ADCY2: variants seen among roughly 807,000 people sequenced by gnomAD.
ADCY2 encodes adenylate cyclase type 2.
In ADCY2, 31 loss-of-function variants were observed where a neutral mutation model predicts 125.2. That is an observed-to-expected ratio of 0.25 (90% confidence interval 0.19 to 0.33). The LOEUF (loss-of-function observed/expected upper bound fraction) is 0.33. Among genes scored for constraint, ADCY2 ranks in the 10% least tolerant of loss-of-function variants. ADCY2 has a pLI of 1.00. For missense variants in ADCY2, 904 were observed against 1,418.2 expected, an observed-to-expected ratio of 0.64 and a Z score of 5.82; for synonymous variants, 512 against 548.4, an observed-to-expected ratio of 0.93 and a Z score of 0.93.
Position 7,436,861 on chromosome 5 carries a change from C to CGT in ADCY2, c.408+22095_408+22096dup, listed in dbSNP as rs541302272. Among the ~76,000 whole-genome samples the CGT allele has an allele frequency of 1.9e-3, 287 of 152,274 alleles. 2 individuals carry two copies. Among genetic ancestry groups the CGT allele is most frequent in the African/African-American group, 6.2e-3 (257 of 41,546 alleles). On this transcript the variant is annotated intron_variant, in intron 2 of 24. Coordinates refer to ENST00000338316, the MANE Select transcript of ADCY2 (RefSeq NM_020546.3). Reference sequence around the variant, plus strand: ...TAAAACCACTGCCTCTTCCTCAGGGCGTGTGCTAGGGAATCTTTTGATGTC... The same window carrying CGT: ...TAAAACCACTGCCTCTTCCTCAGGGCGTGTGTGCTAGGGAATCTTTTGATGTC...
At chr5:7,727,776 C>T (rs982230078) in intron 14 of ADCY2, among the ~76,000 whole-genome samples, 1 of 152,016 alleles carries the variant, frequency 6.6e-6, no homozygotes, top group Admixed American at 6.6e-5. Context: ...TTCAGCCGAC[C>T]TCTCCCCGGA....
rs1001913370 is a variant in ADCY2 at position 7,578,177 on chromosome 5, A to G, written c.571-47990A>G. On this transcript the variant is annotated intron_variant, in intron 3 of 24. Transcript: ENST00000338316. ...CATAATATTCATTGTTGAAAGATAC[A>G]TGAAAGGAGAATGCTTTTAATGTGA... Among the ~76,000 whole-genome samples, 4 of 152,230 alleles carry G rather than the reference A, an allele frequency of 2.6e-5. No homozygotes were observed. In the East Asian group the frequency reaches 7.7e-4, roughly 29 times the overall value.
chr5:7,626,044 A>C, intron 3 of ADCY2, 123 bp from the exon 4 acceptor site: 1 of 1,088,472 alleles, frequency 9.2e-7, no homozygotes, highest in Non-Finnish European at 1.3e-6. Context: ...CTTTGGAAAC[A>C]GAAGTAAAAT....
intron 15 of ADCY2, among the ~76,000 whole-genome samples, chr5:7,753,908 T>G (rs1314586406): frequency 6.6e-6 from 1 of 152,244 alleles, no homozygotes; most frequent in African/African-American, 2.4e-5. Context: ...ACCTTGTCAC[T>G]GCTTGGTGAC....
chr5:7,408,874 A>G (rs1281384156), intron 1 of ADCY2, among the ~76,000 whole-genome samples: 3 of 152,196 alleles, frequency 2.0e-5, no homozygotes, highest in Admixed American at 6.5e-5. Flanking sequence ...CAATCCCATT[A>G]CTGGGTATAT....
chr5:7,638,250 G>A (rs1738575470), intron 4 of ADCY2, among the ~76,000 whole-genome samples: 1 of 152,084 alleles, frequency 6.6e-6, no homozygotes, highest in African/African-American at 2.4e-5. Flanking sequence ...AGATTCTCCA[G>A]GAAATTAAGA....
intron 18 of ADCY2, among the ~76,000 whole-genome samples, chr5:7,775,973 G>A (rs548429807): frequency 1.3e-5 from 2 of 152,250 alleles, no homozygotes; most frequent in South Asian, 4.2e-4. Context: ...AGACCCTTAA[G>A]AGTGGGAATT....
At chr5:7,425,284 G>A (rs1740347036) in intron 2 of ADCY2, among the ~76,000 whole-genome samples, 1 of 152,196 alleles carries the variant, frequency 6.6e-6, no homozygotes, top group Non-Finnish European at 1.5e-5. Flanking sequence ...TTTTGACTTA[G>A]TTTCAATGGA....
chr5:7,644,298 C>T (rs1407938102), intron 4 of ADCY2, among the ~76,000 whole-genome samples: 1 of 152,012 alleles, frequency 6.6e-6, no homozygotes. Context: ...TCAGTGTTTC[C>T]TTCTGCTACC....
In ADCY2 at chr5:7,758,555, A is replaced by G. The variant is rs948555789; in HGVS notation, c.2094+969A>G. Among the ~76,000 whole-genome samples, 8 of 152,338 alleles carry G rather than the reference A, an allele frequency of 5.3e-5. No individual in the cohort carries two copies. In the South Asian group the frequency reaches 1.7e-3, roughly 32 times the overall value. ...AAGTAGAAAGCATTCATGCAGCAAA[A>G]TGTAATATTTATTGTATATAAAGAT... On this transcript the variant is annotated intron_variant, in intron 16 of 24. Coordinates refer to ENST00000338316, the MANE Select transcript of ADCY2 (RefSeq NM_020546.3).
chr5:7,515,673 G>T (rs1744228739), intron 2 of ADCY2, among the ~76,000 whole-genome samples: 1 of 152,328 alleles, frequency 6.6e-6, no homozygotes, highest in African/African-American at 2.4e-5. Context: ...GTGAGTAGAT[G>T]CTAATGAGGT....
chr5:7,754,452 T>C (rs1000489170), intron 15 of ADCY2, among the ~76,000 whole-genome samples: 1 of 152,130 alleles, frequency 6.6e-6, no homozygotes, highest in Non-Finnish European at 1.5e-5. Context: ...ATCATATCTA[T>C]TGATAATTTC....
intron 5 of ADCY2, among the ~76,000 whole-genome samples, chr5:7,694,158 A>G (rs1740812247): frequency 6.6e-6 from 1 of 152,204 alleles, no homozygotes; most frequent in South Asian, 2.1e-4. Flanking sequence ...TCAAAGGTGC[A>G]GCCACACATC....
chr5:7,743,812 C>A, intron 15 of ADCY2, 60 bp downstream of exon 15: 1 of 1,550,700 alleles, frequency 6.4e-7, no homozygotes, highest in Non-Finnish European at 8.9e-7. Context: ...AAGCTGATTT[C>A]TTGCCTAAAA....
intron 23 of ADCY2, among the ~76,000 whole-genome samples, chr5:7,817,954 A>G (rs1219188089): frequency 1.3e-5 from 2 of 151,864 alleles, no homozygotes; most frequent in African/African-American, 4.8e-5. Flanking sequence ...TGCCTTTTAC[A>G]AATTGTTGTT....
intron 2 of ADCY2, among the ~76,000 whole-genome samples, chr5:7,417,156 G>A (rs1430062188): frequency 6.6e-6 from 1 of 152,018 alleles, no homozygotes; most frequent in South Asian, 2.1e-4. Context: ...AAAGAATTCT[G>A]ATTACTTTTT....
chr5:7,680,675 G>A (rs1322884857), intron 4 of ADCY2, among the ~76,000 whole-genome samples: 1 of 152,150 alleles, frequency 6.6e-6, no homozygotes, highest in East Asian at 1.9e-4. Flanking sequence ...ATTTCTCAAT[G>A]CATTACATAT....
chr5:7,617,465 T>TTTA (rs920823384), intron 3 of ADCY2, among the ~76,000 whole-genome samples: 9 of 152,260 alleles, frequency 5.9e-5, no homozygotes, highest in South Asian at 2.1e-4. Context: ...TCTGTGGTAT[T>TTTA]TTATTATTAT....
chr5:7,405,669 T>C (rs546438133), intron 1 of ADCY2, among the ~76,000 whole-genome samples: 4 of 152,196 alleles, frequency 2.6e-5, no homozygotes, highest in Non-Finnish European at 5.9e-5. Context: ...ATTGGCCAAA[T>C]GGAGCCATGT....
Sources: gnomAD v4.1 joint callset for allele counts (sites outside exome capture counted in the v4.1 genomes callset) on GRCh38, gnomAD v4.1.1 for gene constraint, MANE v1.5 for transcripts, NCBI Gene and HGNC (gene_info 2026-07-23, HGNC 2026-07-21) for gene names.